NHSL1: variants seen among roughly 807,000 people sequenced by gnomAD.
NHSL1 encodes NHS like 1.
Under a neutral mutation model 95.0 loss-of-function variants are expected in NHSL1, and 48 were observed. That is an observed-to-expected ratio of 0.51 (90% confidence interval 0.40 to 0.64). NHSL1 has a LOEUF of 0.64. Ranked by LOEUF, NHSL1 falls within the 30% of genes least tolerant of loss-of-function variation. NHSL1 has a pLI of 0.00. For synonymous variants in NHSL1, 783 were observed against 833.9 expected (o/e 0.94, Z 1.05); for missense variants, 1,971 against 2,077.7 (o/e 0.95, Z 1.00).
rs552157006 is a variant in NHSL1, at chr6:138,539,427, G to A, written c.16+6196C>T. Among the ~76,000 whole-genome samples, 7 of 152,198 alleles carry A rather than the reference G, an allele frequency of 4.6e-5. No individual in the cohort carries two copies. The East Asian group carries it at 9.7e-4, about 21-fold the overall frequency. ...ACATGATGTCCTGCCTTTATCACAC[G>A]GGTCCATCTGCCTTGCCTATTAACT... On this transcript the variant is annotated intron_variant, in intron 1 of 4. Coordinates refer to the NHSL1 transcript ENST00000342260.
intron 1 of NHSL1, among the ~76,000 whole-genome samples, chr6:138,631,453 C>T (rs1784818293): frequency 6.6e-6 from 1 of 152,154 alleles, no homozygotes; most frequent in Admixed American, 6.5e-5. Context: ...AAAGAGACCC[C>T]TTCCTTCCAT....
intron 3 of NHSL1, among the ~76,000 whole-genome samples, chr6:138,461,155 GT>G (rs140345011): frequency 4.7e-5 from 7 of 150,398 alleles, no homozygotes; most frequent in South Asian, 2.1e-4. Flanking sequence ...AAAGAAGGAA[GT>G]TTTTTTTTTG....
chr6:138,647,919 T>A (rs2114699831), intron 1 of NHSL1, among the ~76,000 whole-genome samples: 1 of 152,312 alleles, frequency 6.6e-6, no homozygotes, highest in South Asian at 2.1e-4. Flanking sequence ...TACACACATT[T>A]CTCTTTCAAC....
At chr6:138,572,967 G>A (rs142655550), upstream of NHSL1, among the ~76,000 whole-genome samples, 448 of 152,176 alleles carry the variant, frequency 2.9e-3, 9 homozygotes, top group South Asian at 0.04. Flanking sequence ...TAACGGACCC[G>A]GCTATTCACT....
chr6:138,596,671 T>G (rs1379872415), intron 1 of NHSL1, among the ~76,000 whole-genome samples: 1 of 152,076 alleles, frequency 6.6e-6, no homozygotes, highest in Non-Finnish European at 1.5e-5. Context: ...AGGAGCTCAA[T>G]GCAGCTAATT....
At chr6:138,689,488 C>G (rs775147146) in intron 1 of NHSL1, among the ~76,000 whole-genome samples, 2 of 152,228 alleles carry the variant, frequency 1.3e-5, no homozygotes, top group Non-Finnish European at 2.9e-5. Context: ...TTGAGGCCAG[C>G]AGGGCCAGCC....
At chr6:138,619,890 G>A (rs1784630585) in intron 1 of NHSL1, among the ~76,000 whole-genome samples, 1 of 146,916 alleles carries the variant, frequency 6.8e-6, no homozygotes, top group Non-Finnish European at 1.5e-5. Flanking sequence ...GGAGGTTGCA[G>A]TGAGCTGAGA....
At chr6:138,659,506 C>T (rs1262937323) in intron 1 of NHSL1, among the ~76,000 whole-genome samples, 1 of 152,104 alleles carries the variant, frequency 6.6e-6, no homozygotes, top group Admixed American at 6.5e-5. Flanking sequence ...CGGTGGGCAC[C>T]TCCTGCCAAG....
chr6:138,673,027 ATAGG>A (rs1390387074), intron 1 of NHSL1, among the ~76,000 whole-genome samples: 1,996 of 54,304 alleles, frequency 0.037, 38 homozygotes, highest in African/African-American at 0.15. Flanking sequence ...AGCTAGATAG[ATAGG>A]TAGATAGATA....
intron 1 of NHSL1, among the ~76,000 whole-genome samples, chr6:138,657,969 C>T (rs112391537): frequency 1.6e-3 from 244 of 151,082 alleles, no homozygotes; most frequent in South Asian, 0.014. Context: ...TCTTAGTTTA[C>T]GAAAGAATAA....
intron 1 of NHSL1, among the ~76,000 whole-genome samples, chr6:138,497,757 G>A (rs1780442191): frequency 6.6e-6 from 1 of 152,130 alleles, no homozygotes. Flanking sequence ...GTAAACCTGG[G>A]CCACATGCTA....
chr6:138,540,814 C>T (rs1427244797), intron 1 of NHSL1, among the ~76,000 whole-genome samples: 1 of 152,178 alleles, frequency 6.6e-6, no homozygotes, highest in Non-Finnish European at 1.5e-5. Context: ...ATGCAGGCAG[C>T]TGGGACACAC....
intron 1 of NHSL1, among the ~76,000 whole-genome samples, chr6:138,602,411 A>G (rs1463182649): frequency 6.6e-6 from 1 of 152,106 alleles, no homozygotes; most frequent in Non-Finnish European, 1.5e-5. Context: ...GTACTATCTC[A>G]GCTCACTGCA....
intron 1 of NHSL1, among the ~76,000 whole-genome samples, chr6:138,609,121 A>G (rs1018432250): frequency 1.3e-5 from 2 of 152,216 alleles, no homozygotes; most frequent in Non-Finnish European, 2.9e-5. Context: ...TATGTGCTGG[A>G]GAGTTCCCAA....
chr6:138,511,756 CA>C (rs375241798), intron 1 of NHSL1, among the ~76,000 whole-genome samples: 8 of 152,164 alleles, frequency 5.3e-5, no homozygotes, highest in African/African-American at 1.4e-4. Flanking sequence ...GGCAACATGG[CA>C]AAAACCCGTC....
At chr6:138,609,038 T>A (rs977291915) in intron 1 of NHSL1, among the ~76,000 whole-genome samples, 1 of 152,216 alleles carries the variant, frequency 6.6e-6, no homozygotes, top group African/African-American at 2.4e-5. Context: ...TATACACTTT[T>A]TTTGTTAGGG....
At chr6:138,652,965 GCAACTACTTTTGGATAATCA>G (rs1785112012) in intron 1 of NHSL1, among the ~76,000 whole-genome samples, 1 of 152,152 alleles carries the variant, frequency 6.6e-6, no homozygotes, top group East Asian at 1.9e-4. Context: ...ATTAGTTTAA[GCAACTACTTTTGGATAATCA>G]GTTGCACTTG....
intron 1 of NHSL1, among the ~76,000 whole-genome samples, chr6:138,626,291 A>G (rs1250253190): frequency 1.3e-5 from 2 of 152,222 alleles, no homozygotes; most frequent in African/African-American, 4.8e-5. Flanking sequence ...CAAACTCTTT[A>G]GGTAGAATGT....
At chr6:138,669,636 T>G (rs993138045) in intron 1 of NHSL1, among the ~76,000 whole-genome samples, 1 of 152,214 alleles carries the variant, frequency 6.6e-6, no homozygotes, top group Admixed American at 6.5e-5. Flanking sequence ...GTTTCTGGTC[T>G]GAGAATACAA....
Sources: allele counts gnomAD v4.1 joint callset (sites outside exome capture counted in the v4.1 genomes callset), GRCh38; gene constraint gnomAD v4.1.1; transcripts MANE v1.5; gene names NCBI Gene and HGNC (gene_info 2026-07-23, HGNC 2026-07-21).